The following ANXA3 variants were observed in gnomAD, a reference collection of about 807,000 sequenced individuals.
ANXA3 encodes annexin A3.
A neutral mutation model predicts 48.8 loss-of-function variants in ANXA3; 46 were observed. The observed-to-expected ratio is 0.94, with a 90% CI of 0.74 to 1.21. ANXA3 has a LOEUF of 1.21. Among genes scored for constraint, ANXA3 ranks in the 50% most tolerant of loss-of-function variants. The probability of loss-of-function intolerance (pLI) is 0.00; values close to 1 mark genes in which losing one functional copy is unlikely to be tolerated. For synonymous variants in ANXA3, 128 were observed against 134.7 expected (o/e 0.95, Z 0.35); for missense variants, 383 against 378.6 (o/e 1.01, Z -0.10).
chr4:78,578,373 A>G (rs1347642203), intron 3 of ANXA3, among the ~76,000 whole-genome samples: 2 of 87,852 alleles, frequency 2.3e-5, no homozygotes, highest in African/African-American at 1.3e-4. Flanking sequence ...GAGGGAGGAA[A>G]GAAGGAAGGG....
intron 10 of ANXA3, among the ~76,000 whole-genome samples, chr4:78,598,748 C>T (rs1441144387): frequency 3.9e-5 from 6 of 151,982 alleles, no homozygotes; most frequent in Admixed American, 1.3e-4. Context: ...CCATGTTGGC[C>T]GGGGTGGTCT....
chr4:78,586,189 T>C, intron 5 of ANXA3, 71 bp from the exon 6 acceptor site: 1 of 1,202,982 alleles, frequency 8.3e-7, no homozygotes, highest in Non-Finnish European at 1.2e-6. Flanking sequence ...ATAAACAAGA[T>C]AATAAGACCA....
intron 2 of ANXA3, among the ~76,000 whole-genome samples, chr4:78,564,611 G>A (rs1722692027): frequency 6.6e-6 from 1 of 152,202 alleles, no homozygotes; most frequent in African/African-American, 2.4e-5. Flanking sequence ...TAAACAGCGA[G>A]AGGTATTACT....
chr4:78,597,999 T>C (rs575199466), intron 10 of ANXA3, among the ~76,000 whole-genome samples: 1 of 152,322 alleles, frequency 6.6e-6, no homozygotes, highest in South Asian at 2.1e-4. Context: ...AGCTGAAATA[T>C]TTTATTTCTA....
chr4:78,562,227 G>GA (rs5859636), intron 2 of ANXA3, among the ~76,000 whole-genome samples: 113,552 of 151,992 alleles, frequency 0.75, 42,929 homozygotes, highest in East Asian at 0.88. Context: ...AAAGCAGTTA[G>GA]AAAAAAAGAA....
At chr4:78,569,904 T>C (rs906543818) in intron 2 of ANXA3, among the ~76,000 whole-genome samples, 4 of 152,226 alleles carry the variant, frequency 2.6e-5, no homozygotes, top group South Asian at 2.1e-4. Context: ...TTTCTTCCAT[T>C]TTCAATTAGA....
chr4:78,587,121 G>T (rs146016732), intron 6 of ANXA3, among the ~76,000 whole-genome samples: 1 of 152,300 alleles, frequency 6.6e-6, no homozygotes, highest in Non-Finnish European at 1.5e-5. Flanking sequence ...TATTTGGAAG[G>T]GTCCAGTGGA....
At chr4:78,593,799 G>A (rs1723355646) in intron 7 of ANXA3, among the ~76,000 whole-genome samples, 1 of 120,752 alleles carries the variant, frequency 8.3e-6, no homozygotes, top group Admixed American at 9.2e-5. Flanking sequence ...ACCACATTCA[G>A]CTAATTTTTT....
intron 5 of ANXA3, among the ~76,000 whole-genome samples, chr4:78,583,987 T>C (rs767094517): frequency 2.6e-5 from 4 of 152,198 alleles, no homozygotes; most frequent in Non-Finnish European, 4.4e-5. Flanking sequence ...TCATACCCCC[T>C]CCTGCTCACC....
At chr4:78,568,663 A>G (rs1014614087) in intron 2 of ANXA3, among the ~76,000 whole-genome samples, 1 of 152,194 alleles carries the variant, frequency 6.6e-6, no homozygotes, top group Non-Finnish European at 1.5e-5. Context: ...CTTCTTGCAA[A>G]CACAGTACAC....
At chr4:78,598,125 G>A (rs868469772) in intron 10 of ANXA3, among the ~76,000 whole-genome samples, 12 of 151,718 alleles carry the variant, frequency 7.9e-5, no homozygotes, top group African/African-American at 2.9e-4. Flanking sequence ...GAGCCAAGGA[G>A]TTCAAGGCCA....
At chr4:78,564,093 A>G (rs988923474) in intron 2 of ANXA3, among the ~76,000 whole-genome samples, 4 of 152,256 alleles carry the variant, frequency 2.6e-5, no homozygotes. Context: ...GCTTTAAACA[A>G]ATACATGAAA....
intron 3 of ANXA3, among the ~76,000 whole-genome samples, chr4:78,576,199 A>G (rs1339225249): frequency 6.6e-6 from 1 of 152,170 alleles, no homozygotes; most frequent in Non-Finnish European, 1.5e-5. Flanking sequence ...CAATAAATAT[A>G]CTATATTAGA....
chr4:78,606,152 G>A (rs1723641580), intron 12 of ANXA3, among the ~76,000 whole-genome samples: 1 of 152,228 alleles, frequency 6.6e-6, no homozygotes, highest in Non-Finnish European at 1.5e-5. Context: ...GGACTTGCAG[G>A]CTATGCAGAC....
At chr4:78,569,333 G>A (rs894086378) in intron 2 of ANXA3, among the ~76,000 whole-genome samples, 3 of 152,046 alleles carry the variant, frequency 2.0e-5, no homozygotes, top group African/African-American at 7.3e-5. Flanking sequence ...GACTATGTTA[G>A]GACACTAGGG....
chr4:78,593,624 C>CCAT (rs1491473232), intron 7 of ANXA3, among the ~76,000 whole-genome samples: 2 of 140,412 alleles, frequency 1.4e-5, no homozygotes, highest in Non-Finnish European at 1.5e-5. Context: ...CCTTTCCTTT[C>CCAT]CATTATTATT....
chr4:78,577,075 C>T (rs978093972), intron 3 of ANXA3, among the ~76,000 whole-genome samples: 3 of 151,990 alleles, frequency 2.0e-5, no homozygotes, highest in Admixed American at 1.3e-4. Context: ...TTACAAAGAG[C>T]CATTAGAATT....
chr4:78,588,107 T>C (rs528532053), intron 6 of ANXA3, among the ~76,000 whole-genome samples: 28 of 151,292 alleles, frequency 1.9e-4, no homozygotes, highest in Admixed American at 2.6e-4. Flanking sequence ...AAAGAATTGC[T>C]TAAGCTGGGC....
Position 78,582,378 on chromosome 4 carries a change from G to A in ANXA3, c.312+88G>A, listed in dbSNP as rs1206248075. 7.0e-6 allele frequency: 6 copies of A among 856,876 alleles called. No homozygotes were observed. The South Asian group carries it at 7.8e-5, about 11-fold the overall frequency. 53.1% of individuals were successfully genotyped at this position (856,876 alleles called of 1,614,324 possible). Reference sequence around the variant, plus strand: ...TTCTTGCAGTGCACACTTGTGATGGGTGGACTTGGATGCCCTTTTGGTCTG... The same window carrying A: ...TTCTTGCAGTGCACACTTGTGATGGATGGACTTGGATGCCCTTTTGGTCTG... On this transcript the variant is annotated intron_variant, in intron 5 of 12. Transcript: ENST00000264908.
Sources: gnomAD v4.1 joint callset for allele counts (sites outside exome capture counted in the v4.1 genomes callset) on GRCh38, gnomAD v4.1.1 for gene constraint, MANE v1.5 for transcripts, NCBI Gene and HGNC (gene_info 2026-07-23, HGNC 2026-07-21) for gene names.